XRCC3: variants seen among roughly 807,000 people sequenced by gnomAD.
XRCC3 encodes DNA repair protein XRCC3.
In XRCC3, 34 loss-of-function variants were observed where a neutral mutation model predicts 29.2. The ratio of observed to expected loss-of-function variants is 1.16; its 90% CI spans 0.88 to 1.55. XRCC3 has a LOEUF of 1.55. XRCC3 is among the 40% of genes most tolerant of loss of function. The probability of loss-of-function intolerance (pLI) is 0.00; values close to 1 mark genes in which losing one functional copy is unlikely to be tolerated. For missense variants in XRCC3, 463 were observed against 467.6 expected, an observed-to-expected ratio of 0.99 and a Z score of 0.09; for synonymous variants, 223 against 211.3, an observed-to-expected ratio of 1.06 and a Z score of -0.48.
intron 2 of XRCC3, chr14:103,712,069 G>C (rs1257675309): frequency 1.3e-5 from 4 of 302,640 alleles, no homozygotes; most frequent in Admixed American, 4.6e-5. Context: ...GATCACGCTG[G>C]TCACTCGTAT....
intron 8 of XRCC3, 78 bp downstream of exon 8, chr14:103,699,286 C>T: frequency 6.5e-7 from 1 of 1,543,324 alleles, no homozygotes. Flanking sequence ...GCCACCCGCC[C>T]CACCTCCAGA....
chr14:103,700,715 C>A, intron 7 of XRCC3: 1 of 1,600,666 alleles, frequency 6.2e-7, no homozygotes, highest in Non-Finnish European at 8.5e-7. Flanking sequence ...GCCTGGAAGA[C>A]GCCACCGCTA....
chr14:103,703,961 A>G (rs2083335235), intron 6 of XRCC3: 1 of 160,954 alleles, frequency 6.2e-6, no homozygotes, highest in Non-Finnish European at 1.4e-5. Context: ...AACAAATCAC[A>G]TGACTCAGCA....
At position 103,708,176 on chromosome 14, in the gene XRCC3, C is replaced by A. The variant is rs1595669708; in HGVS notation, c.193+346G>T. ...CCACACGTGGTGGTGGGACCGTGGCCAGGGCCCCATCTCACACCGTTCCCA... is the reference window on the plus strand; with the variant it reads ...CCACACGTGGTGGTGGGACCGTGGCAAGGGCCCCATCTCACACCGTTCCCA... On this transcript the variant is annotated intron_variant, in intron 5 of 9. Transcript: ENST00000555055. 1.3e-5 allele frequency: 5 copies of A among 391,708 alleles called. No individual in the cohort carries two copies. The Admixed American group carries it at 1.9e-4, about 15-fold the overall frequency. The allele number at this position is 391,708 out of a possible 1,614,324, so 24.3% of individuals were successfully genotyped here. A position where few individuals can be genotyped will look rare whatever the true frequency, so the allele number is the denominator to read the frequency against.
At chr14:103,706,964 C>A (rs967736666) in intron 6 of XRCC3, 39 bp downstream of exon 6, 1 of 1,533,850 alleles carries the variant, frequency 6.5e-7, no homozygotes, top group African/African-American at 1.4e-5. Context: ...GCAGGGGCCG[C>A]CCACCTGCCC....
intron 2 of XRCC3, chr14:103,711,965 C>G (rs1452379456): frequency 2.9e-6 from 1 of 349,686 alleles, no homozygotes; most frequent in South Asian, 2.1e-5. Context: ...AGGCCTGGCG[C>G]CCTTGGCCGT....
chr14:103,698,525 C>G lies in XRCC3; in HGVS notation c.*273G>C, dbSNP rs189909594. The G allele has an allele frequency of 7.8e-6, 4 of 513,350 alleles. No homozygotes were observed. Among genetic ancestry groups the G allele is most frequent in the Non-Finnish European group, 1.4e-5 (4 of 281,170 alleles). 31.8% of individuals were successfully genotyped at this position (513,350 alleles called of 1,614,324 possible). On this transcript the variant is annotated 3_prime_UTR_variant, in exon 10 of 10. Coordinates refer to ENST00000555055, the MANE Select transcript of XRCC3 (RefSeq NM_005432.4). ...CCCCAGGCTCCAGCCCTGAGAATCA[C>G]CTCTCCCCAAGGGCCAGCTCAGCAG...
chr14:103,708,838 T>C, intron 4 of XRCC3, 179 bp from the exon 5 acceptor site: 1 of 768,102 alleles, frequency 1.3e-6, no homozygotes. Flanking sequence ...GTGTGGCCGA[T>C]GCACAGGCAC....
intron 7 of XRCC3, chr14:103,701,731 G>C (rs1047430130): frequency 1.3e-5 from 2 of 152,344 alleles, no homozygotes; most frequent in Non-Finnish European, 2.9e-5. Flanking sequence ...AGAATTAGCT[G>C]GGCGTGTTGG....
At chr14:103,699,637 C>T in intron 7 of XRCC3, 61 bp from the exon 8 acceptor site, 1 of 1,563,430 alleles carries the variant, frequency 6.4e-7, no homozygotes, top group Non-Finnish European at 8.8e-7. Flanking sequence ...GGTGACCAGA[C>T]CCCGTTTGGA....
At chr14:103,711,610 C>G in intron 2 of XRCC3, 43 bp from the exon 3 acceptor site, 2 of 456,342 alleles carry the variant, frequency 4.4e-6, no homozygotes, top group South Asian at 3.1e-5. Flanking sequence ...GCAGGGTGCT[C>G]AGGGATCCAA....
intron 6 of XRCC3, chr14:103,706,144 C>A: frequency 5.6e-6 from 2 of 355,932 alleles, no homozygotes; most frequent in Non-Finnish European, 1.1e-5. Flanking sequence ...ACCCCTCACC[C>A]TCCACCCAGC....
chr14:103,699,821 C>G (rs2082980398), intron 7 of XRCC3: 2 of 560,564 alleles, frequency 3.6e-6, no homozygotes, highest in Non-Finnish European at 6.5e-6. Flanking sequence ...CTCTGGCCCC[C>G]CCAGGCAGTC....
At position 103,706,279 on chromosome 14, in the gene XRCC3, T is replaced by TGGGCCTGTGGGTCCA. The variant is rs568414643; in HGVS notation, c.406+709_406+723dup. ...TCAGGCCCGTGAGGAGGTGGCTGGCTGGGCCTGTGGGTCCAGGGCCTGGGG... is the reference window on the plus strand; with the variant it reads ...TCAGGCCCGTGAGGAGGTGGCTGGCTGGGCCTGTGGGTCCAGGGCCTGTGGGTCCAGGGCCTGGGG... On this transcript the variant is annotated intron_variant, in intron 6 of 9. Coordinates refer to ENST00000555055, the MANE Select transcript of XRCC3 (RefSeq NM_005432.4). 599 of 455,340 alleles carry TGGGCCTGTGGGTCCA rather than the reference T, an allele frequency of 1.3e-3. 3 individuals carry two copies. The highest frequency in any genetic ancestry group is 0.011 in the African/African-American group (547 of 50,076). The allele number at this position is 455,340 out of a possible 1,614,324, so 28.2% of individuals were successfully genotyped here. A position where few individuals can be genotyped will look rare whatever the true frequency, so the allele number is the denominator to read the frequency against.
chr14:103,708,367 G>T, intron 5 of XRCC3, 155 bp downstream of exon 5: 1 of 1,149,240 alleles, frequency 8.7e-7, no homozygotes, highest in Non-Finnish European at 1.3e-6. Flanking sequence ...CATGGGTGTA[G>T]GACAAGCAAG....
rs1298436613 is a variant in XRCC3 at position 103,698,963 on chromosome 14, G to C, written c.876C>G (p.Leu292=). 1.9e-6 allele frequency: 3 copies of C among 1,600,746 alleles called. No homozygotes were observed. Among genetic ancestry groups the C allele is most frequent in the Non-Finnish European group, 2.6e-6 (3 of 1,173,906 alleles). ...GCCGGTCAGCCAGCAGTCTCACCAG[G>C]AGCTGGTTAGCCCAGGTTATGCCAA... The part of the protein sequence containing the change: ...PALGITWANQ[L]LVRLLADRLR... The change falls in exon 10 of 10, where the codon CTC becomes CTG. Residue 292 remains leucine (L), a synonymous_variant. Coordinates refer to ENST00000555055, the MANE Select transcript of XRCC3 (RefSeq NM_005432.4).
chr14:103,701,368 G>T, intron 7 of XRCC3: 1 of 693,096 alleles, frequency 1.4e-6, no homozygotes, highest in South Asian at 2.2e-5. Flanking sequence ...CACGGCTGGC[G>T]TGACCTTGGG....
At chr14:103,703,632 C>T (rs2083320106) in intron 6 of XRCC3, 2 of 427,532 alleles carry the variant, frequency 4.7e-6, no homozygotes, top group South Asian at 2.1e-5. Flanking sequence ...TCTCCTGCTC[C>T]ACCCTGCCCC....
At chr14:103,712,284 T>G (rs1380650814) in intron 2 of XRCC3, 1 of 157,120 alleles carries the variant, frequency 6.4e-6, no homozygotes, top group East Asian at 1.9e-4. Context: ...CCAGGCCTGG[T>G]TGCCCAGGCA....
Sources: gnomAD v4.1 joint callset for allele counts on GRCh38, gnomAD v4.1.1 for gene constraint, MANE v1.5 for transcripts, NCBI Gene and HGNC (gene_info 2026-07-23, HGNC 2026-07-21) for gene names.